Variants in PLCB4 observed in about 807,000 individuals in gnomAD.
PLCB4 encodes 1-phosphatidylinositol 4,5-bisphosphate phosphodiesterase beta-4.
In PLCB4, 77 loss-of-function variants were observed where a neutral mutation model predicts 178.8. The observed-to-expected ratio is 0.43, with a 90% CI of 0.36 to 0.52. The LOEUF (loss-of-function observed/expected upper bound fraction) is 0.52, where lower values mean the gene tolerates loss of function less well. PLCB4 is among the 20% of genes least tolerant of loss of function. The pLI is 0.00. For missense variants in PLCB4, 1,024 were observed against 1,453.4 expected (o/e 0.70, Z 4.80); for synonymous variants, 496 against 490.8 (o/e 1.01, Z -0.14).
chr20:9,302,889 T>C (rs1369998126), intron 3 of PLCB4, among the ~76,000 whole-genome samples: 1 of 152,104 alleles, frequency 6.6e-6, no homozygotes, highest in Admixed American at 6.6e-5. Context: ...ATATAAACTT[T>C]TTGTATCCAA....
At chr20:9,273,992 G>A (rs1444217656) in intron 3 of PLCB4, among the ~76,000 whole-genome samples, 2 of 152,084 alleles carry the variant, frequency 1.3e-5, no homozygotes, top group East Asian at 1.9e-4. Flanking sequence ...CAAAACTAGA[G>A]TCAGGGGAAG....
chr20:9,396,961 A>AT (rs1477094003), intron 19 of PLCB4, among the ~76,000 whole-genome samples: 1 of 152,074 alleles, frequency 6.6e-6, no homozygotes, highest in East Asian at 1.9e-4. Context: ...GGCTGTGGTA[A>AT]TTTTTTAAAA....
intron 19 of PLCB4, among the ~76,000 whole-genome samples, chr20:9,397,781 G>A (rs940559138): frequency 1.2e-4 from 19 of 152,142 alleles, no homozygotes; most frequent in African/African-American, 4.1e-4. Flanking sequence ...GTTGATACTC[G>A]TTATTATGGT....
chr20:9,344,993 C>T (rs374829803), intron 7 of PLCB4, among the ~76,000 whole-genome samples: 2 of 152,074 alleles, frequency 1.3e-5, no homozygotes, highest in Admixed American at 1.3e-4. Context: ...AAGCTTAAAA[C>T]AGTTAAGAAT....
chr20:9,426,814 G>C (rs1396717980), intron 28 of PLCB4, among the ~76,000 whole-genome samples: 1 of 151,988 alleles, frequency 6.6e-6, no homozygotes, highest in East Asian at 1.9e-4. Context: ...TTTTATGTCG[G>C]CCATAATTTA....
chr20:9,254,180 G>T (rs1011436329), intron 3 of PLCB4, among the ~76,000 whole-genome samples: 11 of 152,108 alleles, frequency 7.2e-5, no homozygotes, highest in Admixed American at 6.6e-5. Flanking sequence ...TAAAAGTTAG[G>T]CTGTGTAATA....
chr20:9,115,557 T>C (rs1050597329), intron 2 of PLCB4, among the ~76,000 whole-genome samples: 6 of 149,236 alleles, frequency 4.0e-5, no homozygotes, highest in Non-Finnish European at 7.4e-5. Context: ...TAGGTATATC[T>C]CCTAATGCTA....
chr20:9,374,898 C>G (rs994941047), intron 12 of PLCB4, among the ~76,000 whole-genome samples: 1 of 152,054 alleles, frequency 6.6e-6, no homozygotes, highest in African/African-American at 2.4e-5. Flanking sequence ...CCTTTTATCC[C>G]TCACAATTAC....
At chr20:9,176,048 A>C (rs1477351461) in intron 2 of PLCB4, among the ~76,000 whole-genome samples, 8 of 152,062 alleles carry the variant, frequency 5.3e-5, no homozygotes, top group Admixed American at 5.2e-4. Flanking sequence ...GGCAACTACT[A>C]GTCTGCTTTC....
intron 8 of PLCB4, among the ~76,000 whole-genome samples, chr20:9,365,051 C>T (rs563683496): frequency 6.6e-5 from 10 of 152,280 alleles, no homozygotes; most frequent in African/African-American, 1.4e-4. Flanking sequence ...GAGCAATAAT[C>T]GAGCAGACCA....
intron 3 of PLCB4, among the ~76,000 whole-genome samples, chr20:9,229,642 A>G (rs939599981): frequency 6.6e-6 from 1 of 151,826 alleles, no homozygotes; most frequent in African/African-American, 2.4e-5. Context: ...GTACCTTTTA[A>G]TACATCTAAA....
intron 3 of PLCB4, among the ~76,000 whole-genome samples, chr20:9,231,726 A>G (rs1156272413): frequency 1.3e-5 from 2 of 152,256 alleles, no homozygotes; most frequent in Admixed American, 1.3e-4. Flanking sequence ...ACATTTACAT[A>G]AAAAACATCT....
At chr20:9,408,552 T>C (rs1201525452) in intron 22 of PLCB4, 81 bp from the exon 23 acceptor site, 2 of 675,420 alleles carry the variant, frequency 3.0e-6, no homozygotes, top group Non-Finnish European at 5.5e-6. Context: ...ATTCAGGGTG[T>C]AATTGCATTT....
chr20:9,122,372 G>T (rs1299114650), intron 2 of PLCB4, among the ~76,000 whole-genome samples: 4 of 151,488 alleles, frequency 2.6e-5, no homozygotes, highest in Non-Finnish European at 2.9e-5. Flanking sequence ...ATTATATTGT[G>T]ATTACGTCCT....
chr20:9,278,612 G>A (rs749835720), intron 3 of PLCB4, among the ~76,000 whole-genome samples: 1 of 152,000 alleles, frequency 6.6e-6, no homozygotes, highest in Non-Finnish European at 1.5e-5. Context: ...CCCTATGCAT[G>A]GGTTTCATCT....
At chr20:9,116,149 G>A (rs563124131) in intron 2 of PLCB4, among the ~76,000 whole-genome samples, 28 of 149,138 alleles carry the variant, frequency 1.9e-4, no homozygotes, top group South Asian at 4.2e-4. Flanking sequence ...GTGTGTGCGC[G>A]TGTGTGTGTG....
At position 9,473,335 on chromosome 20, in the gene PLCB4, T is replaced by A; in HGVS notation, c.3465T>A (p.His1155Gln). ...MDQLKKVQLE[H>Q]LEFLEKQNEQ... ...AGTTGAAAAAAGTCCAGCTTGAACATCTAGAATTCCTAGAGAAACAGAATG... is the reference window on the plus strand; with the variant it reads ...AGTTGAAAAAAGTCCAGCTTGAACAACTAGAATTCCTAGAGAAACAGAATG... The change falls in exon 38 of 40, where the codon CAT becomes CAA. Residue 1155 changes from histidine to glutamine, a missense_variant. His to Gln is a conservative substitution (Grantham distance 24). Around this residue, in one of 7 missense-constraint regions of PLCB4, gnomAD observed 264 missense variants for 283.2 expected, o/e 0.93. Transcript: ENST00000378473. The A allele has an allele frequency of 1.3e-6, 2 of 1,591,498 alleles. No homozygotes were observed. The highest frequency in any genetic ancestry group is 1.7e-6 in the Non-Finnish European group (2 of 1,165,650).
intron 2 of PLCB4, among the ~76,000 whole-genome samples, chr20:9,163,443 G>T (rs532491967): frequency 6.6e-6 from 1 of 152,226 alleles, no homozygotes; most frequent in South Asian, 2.1e-4. Flanking sequence ...TCCCTAATTG[G>T]GAACAGAGAG....
chr20:9,271,450 A>T (rs554487231), intron 3 of PLCB4, among the ~76,000 whole-genome samples: 91 of 152,286 alleles, frequency 6.0e-4, no homozygotes, highest in African/African-American at 2.1e-3. Flanking sequence ...TCATTCAAGA[A>T]TTTTTGAACC....
Sources: allele counts gnomAD v4.1 joint callset (sites outside exome capture counted in the v4.1 genomes callset), GRCh38; gene constraint gnomAD v4.1.1; regional missense constraint gnomAD v4.1.1; transcripts MANE v1.5; gene names NCBI Gene and HGNC (gene_info 2026-07-23, HGNC 2026-07-21).